The following FHIT variants were observed in gnomAD, a reference collection of about 807,000 sequenced individuals.
The protein encoded by FHIT is fragile histidine triad diadenosine triphosphatase.
A neutral mutation model predicts 17.9 loss-of-function variants in FHIT; 19 were observed. The observed-to-expected ratio is 1.06, with a 90% confidence interval of 0.74 to 1.56. The LOEUF is 1.56. Among genes scored for constraint, FHIT ranks in the 40% most tolerant of loss-of-function variants. The probability of loss-of-function intolerance (pLI) is 0.00; values close to 1 mark genes in which losing one functional copy is unlikely to be tolerated. For missense variants in FHIT, 248 were observed against 189.2 expected (o/e 1.31, Z -1.82); for synonymous variants, 81 against 69.7 (o/e 1.16, Z -0.81).
rs114927909 is a variant in FHIT at position 61,034,540 on chromosome 3, C to A, written c.-111+7507G>T. 1.5e-3 allele frequency among the ~76,000 whole-genome samples: 223 copies of A among 152,276 alleles called. 1 individual carries two copies. The highest frequency in any genetic ancestry group is 4.9e-3 in the African/African-American group (205 of 41,564). On this transcript the variant is annotated intron_variant, in intron 3 of 9. Coordinates refer to ENST00000492590, the MANE Select transcript of FHIT (RefSeq NM_002012.4). ...AACAAGCACCTGAAAAGATGCTCAT[C>A]ATTAGTCATTAGGGAAATGCAAATG...
intron 3 of FHIT, among the ~76,000 whole-genome samples, chr3:60,972,732 A>G (rs1710077468): frequency 6.6e-6 from 1 of 152,066 alleles, no homozygotes; most frequent in Admixed American, 6.6e-5. Flanking sequence ...TATGTCTCTT[A>G]TAAAATTTTC....
At position 60,665,016 on chromosome 3, in the gene FHIT, C is replaced by T. The variant is rs561975405; in HGVS notation, c.-17-128037G>A. On this transcript the variant is annotated intron_variant, in intron 4 of 9. Transcript: ENST00000492590. ...CTACTTGCTTTTACTTTATTTTTCT[C>T]GTTTCTCAAAATAGGAACTTAGGTT... 4.0e-5 allele frequency among the ~76,000 whole-genome samples: 6 copies of T among 151,800 alleles called. No individual in the cohort carries two copies. In the East Asian group the frequency reaches 7.7e-4, roughly 20 times the overall value.
At chr3:60,430,247 A>T (rs1015448301) in intron 5 of FHIT, among the ~76,000 whole-genome samples, 3 of 152,074 alleles carry the variant, frequency 2.0e-5, no homozygotes, top group Non-Finnish European at 4.4e-5. Flanking sequence ...TCAAGTGTCT[A>T]AAAGTGATTT....
At chr3:61,205,325 T>G (rs12491230) in intron 1 of FHIT, among the ~76,000 whole-genome samples, 65,045 of 151,052 alleles carry the variant, frequency 0.43, 14,297 homozygotes, top group East Asian at 0.58. Context: ...ATAATCCTTT[T>G]AGTATATACC....
chr3:60,856,647 T>A (rs1553750070), intron 3 of FHIT: 1 of 152,160 alleles, frequency 6.6e-6, no homozygotes, highest in East Asian at 1.9e-4. Flanking sequence ...CTGTTCCCAC[T>A]CTGCCCAGAG....
At chr3:60,179,752 AGC>A (rs1385084376) in intron 5 of FHIT, among the ~76,000 whole-genome samples, 4 of 152,144 alleles carry the variant, frequency 2.6e-5, no homozygotes, top group Non-Finnish European at 4.4e-5. Context: ...ATCTGGCCCC[AGC>A]TAGAACCCTG....
At chr3:60,010,484 C>G (rs1020587571) in intron 7 of FHIT, among the ~76,000 whole-genome samples, 7 of 152,172 alleles carry the variant, frequency 4.6e-5, no homozygotes, top group South Asian at 2.1e-4. Flanking sequence ...AGGGAACTTA[C>G]GTTTATTTGG....
chr3:61,069,537 G>A (rs2034731017), intron 2 of FHIT, among the ~76,000 whole-genome samples: 1 of 152,164 alleles, frequency 6.6e-6, no homozygotes, highest in Non-Finnish European at 1.5e-5. Flanking sequence ...TTACTAACCA[G>A]AGTCAGTAAA....
At chr3:60,179,273 G>A (rs995056105) in intron 5 of FHIT, among the ~76,000 whole-genome samples, 9 of 152,124 alleles carry the variant, frequency 5.9e-5, no homozygotes, top group African/African-American at 1.4e-4. Flanking sequence ...GCCCACTCAC[G>A]GTCCCAGAGT....
chr3:60,805,076 T>C (rs1484682221), intron 4 of FHIT, among the ~76,000 whole-genome samples: 1 of 152,190 alleles, frequency 6.6e-6, no homozygotes, highest in East Asian at 1.9e-4. Context: ...CATAAATGAG[T>C]AGCTTTATAC....
At chr3:60,136,620 C>G (rs1699826366) in intron 5 of FHIT, among the ~76,000 whole-genome samples, 1 of 150,270 alleles carries the variant, frequency 6.7e-6, no homozygotes, top group Non-Finnish European at 1.5e-5. Flanking sequence ...ATCCCAAATT[C>G]CCAGTGAGTT....
chr3:61,204,764 T>C (rs1020274464), intron 1 of FHIT, among the ~76,000 whole-genome samples: 2 of 152,186 alleles, frequency 1.3e-5, no homozygotes, highest in East Asian at 1.9e-4. Flanking sequence ...GAATAAGTTA[T>C]TGTTAGGCAT....
intron 4 of FHIT, among the ~76,000 whole-genome samples, chr3:60,739,864 A>C (rs987921362): frequency 2.0e-4 from 31 of 152,100 alleles, no homozygotes; most frequent in Admixed American, 1.6e-3. Flanking sequence ...TCAAGACAAA[A>C]ATTTTACTGA....
intron 4 of FHIT, among the ~76,000 whole-genome samples, chr3:60,774,379 C>A (rs892939547): frequency 6.6e-6 from 1 of 152,162 alleles, no homozygotes; most frequent in Non-Finnish European, 1.5e-5. Flanking sequence ...CAGCTCACTG[C>A]AACCTCTGCC....
chr3:59,942,412 T>C (rs1706569061), intron 7 of FHIT, among the ~76,000 whole-genome samples: 1 of 152,158 alleles, frequency 6.6e-6, no homozygotes, highest in Non-Finnish European at 1.5e-5. Context: ...ACCCTCCTCA[T>C]ACGCCTGTGG....
intron 5 of FHIT, among the ~76,000 whole-genome samples, chr3:60,387,372 T>C (rs1318180715): frequency 6.6e-6 from 1 of 152,078 alleles, no homozygotes; most frequent in Non-Finnish European, 1.5e-5. Flanking sequence ...CTGTTTCTAT[T>C]ATACTTCCTA....
intron 5 of FHIT, among the ~76,000 whole-genome samples, chr3:60,291,706 CT>C (rs1707992892): frequency 6.6e-6 from 1 of 152,128 alleles, no homozygotes. Flanking sequence ...TTTCCACTTC[CT>C]GTGTCAAAAT....
chr3:60,182,091 T>C (rs748497615), intron 5 of FHIT, among the ~76,000 whole-genome samples: 1 of 152,354 alleles, frequency 6.6e-6, no homozygotes, highest in Non-Finnish European at 1.5e-5. Flanking sequence ...AGATAACTTC[T>C]AGGCTGTTGC....
chr3:60,790,579 G>C (rs958265840), intron 4 of FHIT, among the ~76,000 whole-genome samples: 1 of 152,128 alleles, frequency 6.6e-6, no homozygotes, highest in African/African-American at 2.4e-5. Context: ...AAAGGATAGA[G>C]CGAAACTTCC....
Sources: allele counts gnomAD v4.1 joint callset (sites outside exome capture counted in the v4.1 genomes callset), GRCh38; gene constraint gnomAD v4.1.1; transcripts MANE v1.5; gene names NCBI Gene and HGNC (gene_info 2026-07-23, HGNC 2026-07-21).